The following SLC16A13 variants were observed in gnomAD, a reference collection of about 807,000 sequenced individuals.
SLC16A13 encodes monocarboxylate transporter 13.
Under a neutral mutation model 28.1 loss-of-function variants are expected in SLC16A13, and 28 were observed. The ratio of observed to expected loss-of-function variants is 1.00; its 90% CI spans 0.74 to 1.37. SLC16A13 has a LOEUF of 1.37. Among genes scored for constraint, SLC16A13 ranks in the 40% most tolerant of loss-of-function variants. The pLI is 0.00. For synonymous variants in SLC16A13, 228 were observed against 241.6 expected (o/e 0.94, Z 0.52); for missense variants, 482 against 531.8 (o/e 0.91, Z 0.92).
At chr17:7,036,650 G>A (rs1029981295) in intron 1 of SLC16A13, 69 bp downstream of exon 1, 1 of 1,608,806 alleles carries the variant, frequency 6.2e-7, no homozygotes. Flanking sequence ...CGACTGGGAA[G>A]TGGAAGGGCG....
Position 7,038,557 on chromosome 17 carries a change from C to G in SLC16A13, c.749C>G (p.Pro250Arg). 6.2e-7 allele frequency: 1 copy of G among 1,614,242 alleles called. No homozygotes were observed. Among genetic ancestry groups the G allele is most frequent in the East Asian group, 2.2e-5 (1 of 44,892 alleles). The stretch of plus-strand genomic sequence containing the variant: ...CAGGACCTGGATTGGGACCCACTAC[C>G]TGCTGCCTTCCTACTCTCAGTTGTT... ...HLQDLDWDPL[P>R]AAFLLSVVAI... is the part of the protein sequence containing the mutation. Residue 250 changes from proline (P) to arginine (R), a missense_variant, in exon 3 of 4, where the codon CCT becomes CGT. Pro to Arg is a moderately radical substitution (Grantham distance 103, BLOSUM62 -2). Transcript: ENST00000308027. The surrounding 1 kb of genome is among the most constrained non-coding windows in gnomAD (Gnocchi z 5.7).
chr17:7,036,375 C>A lies in SLC16A13; in HGVS notation c.-8C>A. On this transcript the variant is annotated 5_prime_UTR_variant, in exon 1 of 4. Transcript: ENST00000308027. ...GCTCTGGGTGGCAGCAGCCCTGTTA[C>A]CGCTTAGATGGCGCGCAGGACAGAG... 3.1e-6 allele frequency: 5 copies of A among 1,602,866 alleles called. No homozygotes were observed. The highest frequency in any genetic ancestry group is 4.3e-6 in the Non-Finnish European group (5 of 1,174,884).
At position 7,038,498 on chromosome 17, in the gene SLC16A13, C is replaced by G. The variant is rs765904061; in HGVS notation, c.690C>G (p.Tyr230Ter). The G allele has an allele frequency of 1.2e-6, 2 of 1,614,258 alleles. No homozygotes were observed. Among genetic ancestry groups the G allele is most frequent in the Non-Finnish European group, 1.7e-6 (2 of 1,180,048 alleles). The stretch of plus-strand genomic sequence containing the variant: ...CCCTCACCCTGATCAACACTGGCTA[C>G]TTCATTCCCTACCTCCACCTGGTGG... ...TVALTLINTG[Y>*]FIPYLHLVAH... is the part of the protein sequence containing the mutation. Residue 230 changes from tyrosine to a stop codon, truncating the protein, a stop_gained, in exon 3 of 4, where the codon TAC (tyrosine) becomes TAG (stop). Coordinates refer to ENST00000308027, the MANE Select transcript of SLC16A13 (RefSeq NM_201566.3). LOFTEE classifies it high-confidence loss of function. This position sits in a 1 kb window ranked among gnomAD's most constrained non-coding sequence, Gnocchi z 5.7.
rs1447026729 is a variant in SLC16A13 at position 7,038,907 on chromosome 17, C to A, written c.1081+18C>A. 6.3e-7 allele frequency: 1 copy of A among 1,587,570 alleles called. No homozygotes were observed. The highest frequency in any genetic ancestry group is 1.8e-5 in the Admixed American group (1 of 56,664). On this transcript the variant is annotated intron_variant, in intron 3 of 3. Transcript: ENST00000308027. This position sits in a 1 kb window ranked among gnomAD's most constrained non-coding sequence, Gnocchi z 5.7. ...TCTCTCAGGTAAGTGGAATGGGGTT[C>A]CCAGGGGGTGAGGGCTGCCATGTTG...
chr17:7,038,621 G>A lies in SLC16A13; in HGVS notation c.813G>A (p.Trp271Ter). ...SDLVGRVVSG[W>*]LGDAVPGPVT... The stretch of plus-strand genomic sequence containing the variant: ...TCGTGGGGCGTGTGGTCTCCGGATG[G>A]CTGGGAGATGCAGTCCCAGGGCCTG... The change falls in exon 3 of 4, where the codon TGG becomes TGA. Residue 271 changes from tryptophan (W) to a stop codon, truncating the protein, a stop_gained. Coordinates refer to ENST00000308027, the MANE Select transcript of SLC16A13 (RefSeq NM_201566.3). LOFTEE classifies it high-confidence loss of function. The surrounding 1 kb of genome is among the most constrained non-coding windows in gnomAD (Gnocchi z 5.7). 1 of 1,614,080 alleles carries A rather than the reference G, an allele frequency of 6.2e-7. No individual in the cohort carries two copies. The highest frequency in any genetic ancestry group is 8.5e-7 in the Non-Finnish European group (1 of 1,180,010).
At position 7,036,851 on chromosome 17, in the gene SLC16A13, G is replaced by C; in HGVS notation, c.324G>C (p.Leu108=). The stretch of plus-strand genomic sequence containing the variant: ...CTACTTCCTTGACCCACCTATACCT[G>C]AGTATTGGGTTGCTGTCAGGTGAGA... ...SFATSLTHLY[L]SIGLLSGSGW... is the part of the protein sequence containing the mutation. The change falls in exon 2 of 4, where the codon CTG becomes CTC. Residue 108 remains leucine, a synonymous_variant. Transcript: ENST00000308027. 6.2e-7 allele frequency: 1 copy of C among 1,613,214 alleles called. No individual in the cohort carries two copies. The highest frequency in any genetic ancestry group is 1.7e-5 in the Admixed American group (1 of 60,030).
chr17:7,036,913 G>GT (rs1910597074), intron 2 of SLC16A13, 43 bp downstream of exon 2: 1 of 1,598,208 alleles, frequency 6.3e-7, no homozygotes, highest in Non-Finnish European at 8.5e-7. Flanking sequence ...TGCTTAGATC[G>GT]TTGGATGTTC....
At chr17:7,037,884 C>T (rs746844687) in intron 2 of SLC16A13, among the ~76,000 whole-genome samples, 1 of 152,220 alleles carries the variant, frequency 6.6e-6, no homozygotes, top group Non-Finnish European at 1.5e-5. Flanking sequence ...CTCCAAAGTT[C>T]TGTGCTAGTT....
At chr17:7,037,067 C>T in intron 2 of SLC16A13, 197 bp downstream of exon 2, 2 of 703,864 alleles carry the variant, frequency 2.8e-6, no homozygotes, top group Non-Finnish European at 4.5e-6. Context: ...GATGATGAAA[C>T]CTGGCCGGGC....
At position 7,039,512 on chromosome 17, in the gene SLC16A13, T is replaced by C. The variant is rs1910667996; in HGVS notation, c.1082-251T>C. Among the ~76,000 whole-genome samples the C allele has an allele frequency of 6.6e-6, 1 of 151,620 alleles. No individual in the cohort carries two copies. Among genetic ancestry groups the C allele is most frequent in the African/African-American group, 2.4e-5 (1 of 41,236 alleles). The stretch of plus-strand genomic sequence containing the variant: ...GTTGCCAGAAAGAAAGGCACAAGTA[T>C]GCCTGACTCAATCTGGATCTCCAAA... On this transcript the variant is annotated intron_variant, in intron 3 of 3. Transcript: ENST00000308027. This position sits in a 1 kb window ranked among gnomAD's most constrained non-coding sequence, Gnocchi z 4.3.
At chr17:7,036,953 G>C in intron 2 of SLC16A13, 83 bp downstream of exon 2, 1 of 1,524,480 alleles carries the variant, frequency 6.6e-7, no homozygotes. Context: ...CAAAGGGTTC[G>C]GGGAGAAGCT....
In SLC16A13 at chr17:7,039,853, T is replaced by C; in HGVS notation, c.1172T>C (p.Leu391Pro). 1 of 1,614,186 alleles carries C rather than the reference T, an allele frequency of 6.2e-7. No individual in the cohort carries two copies. Among genetic ancestry groups the C allele is most frequent in the Non-Finnish European group, 8.5e-7 (1 of 1,180,020 alleles). The change falls in exon 4 of 4, where the codon CTG (leucine) becomes CCG (proline). Residue 391 changes from leucine (L) to proline (P), a missense_variant. Coordinates refer to ENST00000308027, the MANE Select transcript of SLC16A13 (RefSeq NM_201566.3). The surrounding 1 kb of genome is among the most constrained non-coding windows in gnomAD (Gnocchi z 4.3). ...LLSGSGILLT[L>P]PHFFCFSTTT... ...TCAGGGAGTGGCATTCTCCTCACCC[T>C]GCCCCACTTCTTCTGCTTCTCAACT...
Position 7,036,170 on chromosome 17 carries a change from A to G in SLC16A13, c.-213A>G. On this transcript the variant is annotated 5_prime_UTR_variant, in exon 1 of 4. Coordinates refer to ENST00000308027, the MANE Select transcript of SLC16A13 (RefSeq NM_201566.3). ...GCCCCCGGGAGACTCTGGCCCGGCC[A>G]GCGCGGGCCAGGTCTTCAGTCCTAT... 1 of 501,552 alleles carries G rather than the reference A, an allele frequency of 2.0e-6. No individual in the cohort carries two copies. Among genetic ancestry groups the G allele is most frequent in the Non-Finnish European group, 3.5e-6 (1 of 284,792 alleles). 31.1% of individuals were successfully genotyped at this position (501,552 alleles called of 1,614,324 possible). A position where few individuals can be genotyped will look rare whatever the true frequency, so the allele number is the denominator to read the frequency against.
rs757522340 is a variant in SLC16A13, at chr17:7,038,586, A to G, written c.778A>G (p.Ile260Val). ...TGCCTTCCTACTCTCAGTTGTTGCT[A>G]TTTCTGACCTCGTGGGGCGTGTGGT... is the stretch of plus-strand genomic sequence containing the variant. ...PAAFLLSVVA[I>V]SDLVGRVVSG... Residue 260 changes from isoleucine (I) to valine (V), a missense_variant, in exon 3 of 4, where the codon ATT (isoleucine) becomes GTT (valine). Ile to Val is a conservative substitution (Grantham distance 29, BLOSUM62 3). Transcript: ENST00000308027. The surrounding 1 kb of genome is among the most constrained non-coding windows in gnomAD (Gnocchi z 5.7). The G allele has an allele frequency of 1.2e-6, 2 of 1,613,940 alleles. No individual in the cohort carries two copies. The highest frequency in any genetic ancestry group is 1.6e-4 in the Middle Eastern group (1 of 6,062).
intron 2 of SLC16A13, among the ~76,000 whole-genome samples, chr17:7,037,743 A>G (rs1034080301): frequency 6.6e-6 from 1 of 152,288 alleles, no homozygotes; most frequent in East Asian, 1.9e-4. Flanking sequence ...AAAAAGAAAA[A>G]AAAAGGTGCT....
chr17:7,036,113 G>T lies in SLC16A13; in HGVS notation c.-270G>T, dbSNP rs1355851337. The T allele has an allele frequency of 7.4e-6, 3 of 407,138 alleles. No homozygotes were observed. The highest frequency in any genetic ancestry group is 1.3e-5 in the Non-Finnish European group (3 of 226,864). The allele number at this position is 407,138 out of a possible 1,614,324, so 25.2% of individuals were successfully genotyped here. ...ACCGGGACCGATCCGGCCCCGGCTT[G>T]AACTAGCTCAGCTCCGAGCTCGCGG... On this transcript the variant is annotated 5_prime_UTR_variant, in exon 1 of 4. Coordinates refer to ENST00000308027, the MANE Select transcript of SLC16A13 (RefSeq NM_201566.3).
rs149594083 is a variant in SLC16A13, at chr17:7,038,653, G to A, written c.845G>A (p.Arg282Gln). 1.6e-4 allele frequency: 266 copies of A among 1,614,032 alleles called. No homozygotes were observed. The highest frequency in any genetic ancestry group is 2.2e-4 in the Non-Finnish European group (255 of 1,180,026). Reference protein sequence around the residue: ...LGDAVPGPVTRLLMLWTTLTG... With the variant: ...LGDAVPGPVTQLLMLWTTLTG... ...GATGCAGTCCCAGGGCCTGTGACAC[G>A]ACTCCTGATGCTCTGGACCACCTTG... is the stretch of plus-strand genomic sequence containing the variant. The change falls in exon 3 of 4, where the codon CGA becomes CAA. Residue 282 changes from arginine to glutamine, a missense_variant. By Grantham distance (43) the Arg-to-Gln change is conservative (BLOSUM62 1). Coordinates refer to ENST00000308027, the MANE Select transcript of SLC16A13 (RefSeq NM_201566.3). This position sits in a 1 kb window ranked among gnomAD's most constrained non-coding sequence, Gnocchi z 5.7.
chr17:7,039,529 A>G lies in SLC16A13; in HGVS notation c.1082-234A>G, dbSNP rs1910668259. 6.6e-6 allele frequency among the ~76,000 whole-genome samples: 1 copy of G among 151,336 alleles called. No homozygotes were observed. Among genetic ancestry groups the G allele is most frequent in the Admixed American group, 6.6e-5 (1 of 15,212 alleles). Reference sequence around the variant, plus strand: ...CACAAGTATGCCTGACTCAATCTGGATCTCCAAATCCCTGCAGGCTGGTTT... The same window carrying G: ...CACAAGTATGCCTGACTCAATCTGGGTCTCCAAATCCCTGCAGGCTGGTTT... On this transcript the variant is annotated intron_variant, in intron 3 of 3. Coordinates refer to ENST00000308027, the MANE Select transcript of SLC16A13 (RefSeq NM_201566.3). The surrounding 1 kb of genome is among the most constrained non-coding windows in gnomAD (Gnocchi z 4.3).
chr17:7,038,121 G>C lies in SLC16A13; in HGVS notation c.344-31G>C. The C allele has an allele frequency of 1.3e-6, 2 of 1,591,608 alleles. No homozygotes were observed. The highest frequency in any genetic ancestry group is 1.7e-6 in the Non-Finnish European group (2 of 1,169,318). On this transcript the variant is annotated intron_variant, in intron 2 of 3. Coordinates refer to ENST00000308027, the MANE Select transcript of SLC16A13 (RefSeq NM_201566.3). The surrounding 1 kb of genome is among the most constrained non-coding windows in gnomAD (Gnocchi z 5.7). ...ACTGTGTGCCTTGAGCTCCCTAAGA[G>C]TTCTCAACACCACTTCTTCCTTTTT...
Sources: gnomAD v4.1 joint callset for allele counts (sites outside exome capture counted in the v4.1 genomes callset) on GRCh38, gnomAD v4.1.1 for gene constraint, Gnocchi (gnomAD v3.1) non-coding constraint, MANE v1.5 for transcripts, NCBI Gene and HGNC (gene_info 2026-07-23, HGNC 2026-07-21) for gene names.